The following SRPRB variants were observed in gnomAD, a reference collection of about 807,000 sequenced individuals.
The protein encoded by SRPRB is signal recognition particle receptor subunit beta.
Under a neutral mutation model 31.9 loss-of-function variants are expected in SRPRB, and 20 were observed. The observed-to-expected ratio is 0.63, with a 90% CI of 0.44 to 0.91. The LOEUF (loss-of-function observed/expected upper bound fraction) is 0.91. SRPRB is among the 40% of genes least tolerant of loss of function. The pLI, the probability that SRPRB is intolerant of heterozygous loss-of-function variation, is 0.00. For missense variants in SRPRB, 321 were observed against 324.9 expected (o/e 0.99, Z 0.09); for synonymous variants, 146 against 132.8 (o/e 1.10, Z -0.68).
chr3:133,811,033 T>C (rs946476607), intron 3 of SRPRB, 84 bp from the exon 4 acceptor site: 1 of 1,298,258 alleles, frequency 7.7e-7, no homozygotes, highest in East Asian at 2.4e-5. Flanking sequence ...GGTACCAGTT[T>C]GGTAGCCAAT....
downstream of SRPRB, chr3:133,827,575 C>G (rs1351607783): frequency 3.1e-6 from 1 of 317,602 alleles, no homozygotes; most frequent in Admixed American, 4.6e-5. Context: ...CTCAGGTGAC[C>G]ACAGCGCAGC....
chr3:133,798,271 G>C (rs1195800946), intron 1 of SRPRB, among the ~76,000 whole-genome samples: 1 of 152,220 alleles, frequency 6.6e-6, no homozygotes, highest in Admixed American at 6.5e-5. Context: ...GAAGCATAAA[G>C]GGAGAGATAT....
intron 3 of SRPRB, among the ~76,000 whole-genome samples, chr3:133,810,081 A>C (rs1256983730): frequency 1.3e-5 from 2 of 152,090 alleles, no homozygotes; most frequent in Non-Finnish European, 2.9e-5. Flanking sequence ...CAAATTGCTT[A>C]GGGTGTGTGG....
At chr3:133,800,837 G>T (rs564404319), upstream of SRPRB, among the ~76,000 whole-genome samples, 25 of 152,164 alleles carry the variant, frequency 1.6e-4, no homozygotes, top group Non-Finnish European at 2.6e-4. Context: ...GCCAAGTACT[G>T]TTCAGGGATG....
downstream of SRPRB, among the ~76,000 whole-genome samples, chr3:133,823,561 T>C (rs115339347): frequency 1.1e-3 from 167 of 152,268 alleles, no homozygotes; most frequent in African/African-American, 3.9e-3. Flanking sequence ...CTTTATAAGC[T>C]TTAAAAGGAA....
intron 6 of SRPRB, among the ~76,000 whole-genome samples, chr3:133,818,785 A>AGTGTGTGTGTGTGTGTGTGTGTGT (rs146467727): frequency 1.4e-5 from 2 of 144,102 alleles, no homozygotes; most frequent in Non-Finnish European, 3.0e-5. Flanking sequence ...ATACTTTTAC[A>AGTGTGTGTGTGTGTGTGTGTGTGT]GTGTGTGTGT....
intron 4 of SRPRB, among the ~76,000 whole-genome samples, chr3:133,814,411 G>A (rs1411845722): frequency 4.0e-5 from 6 of 151,844 alleles, no homozygotes; most frequent in African/African-American, 7.2e-5. Context: ...GATTACAGGC[G>A]TGAGCCACCG....
At chr3:133,793,537 A>G (rs1381144302) in intron 1 of SRPRB, 1 of 152,168 alleles carries the variant, frequency 6.6e-6, no homozygotes, top group Non-Finnish European at 1.5e-5. Flanking sequence ...ATTTTAGTGA[A>G]TAATATTAAT....
chr3:133,814,184 T>C (rs907549101), intron 4 of SRPRB, among the ~76,000 whole-genome samples: 1 of 150,422 alleles, frequency 6.6e-6, no homozygotes, highest in African/African-American at 2.5e-5. Flanking sequence ...CAGGCTGGAG[T>C]GCAGTGGCGC....
chr3:133,827,748 C>CCCCCCCA, downstream of SRPRB: 1 of 15,982 alleles, frequency 6.3e-5, no homozygotes. Flanking sequence ...CAGACAACAC[C>CCCCCCCA]CCCCCCCCCC....
intron 6 of SRPRB, among the ~76,000 whole-genome samples, chr3:133,818,753 A>G (rs951256500): frequency 2.0e-5 from 3 of 150,660 alleles, no homozygotes; most frequent in African/African-American, 7.4e-5. Flanking sequence ...AGCAATATCC[A>G]GTTTTGTATT....
chr3:133,824,015 G>A (rs576290406), downstream of SRPRB, among the ~76,000 whole-genome samples: 1 of 152,284 alleles, frequency 6.6e-6, no homozygotes, highest in East Asian at 1.9e-4. Context: ...AGGGGAATGC[G>A]TGTGGATTTA....
At position 133,819,704 on chromosome 3, in the gene SRPRB, A is replaced by G. The variant is rs79308644; in HGVS notation, c.754A>G (p.Arg252Gly). The G allele has an allele frequency of 2.3e-3, 3,786 of 1,614,068 alleles. 47 individuals are homozygous for G. The East Asian group carries it at 0.036, about 15-fold the overall frequency. Residue 252 changes from arginine to glycine, a missense_variant, in exon 7 of 7, where the codon AGA (arginine) becomes GGA (glycine). Arg to Gly is a moderately radical substitution (Grantham distance 125). Coordinates refer to ENST00000678299, the MANE Select transcript of SRPRB (RefSeq NM_001379313.1). ...CCTGGAGTGCAGTGCCAAGGGTGGA[A>G]GAGGGGACGTGGGCTCTGCTGACAT... ...EFLECSAKGG[R>G]GDVGSADIQD...
intron 1 of SRPRB, chr3:133,791,443 A>G (rs1934828054): frequency 6.6e-6 from 1 of 152,188 alleles, no homozygotes; most frequent in Non-Finnish European, 1.5e-5. Flanking sequence ...GCAAAAGGGT[A>G]AGAATTTCTT....
downstream of SRPRB, chr3:133,828,285 T>C: frequency 2.3e-6 from 1 of 437,524 alleles, no homozygotes; most frequent in Non-Finnish European, 4.1e-6. Flanking sequence ...TGGGGCCAGA[T>C]GGCCCCAGAC....
intron 6 of SRPRB, among the ~76,000 whole-genome samples, chr3:133,819,103 G>C (rs1935418808): frequency 6.6e-6 from 1 of 152,132 alleles, no homozygotes; most frequent in Non-Finnish European, 1.5e-5. Flanking sequence ...AGTTAGATAT[G>C]AGAATCTGGA....
chr3:133,796,425 T>C (rs1934973258), intron 1 of SRPRB: 1 of 152,298 alleles, frequency 6.6e-6, no homozygotes, highest in Non-Finnish European at 1.5e-5. Context: ...GCATGCTCAC[T>C]TCCTAGAACT....
At chr3:133,800,040 A>G (rs1349598503) in intron 1 of SRPRB, among the ~76,000 whole-genome samples, 1 of 152,174 alleles carries the variant, frequency 6.6e-6, no homozygotes, top group East Asian at 1.9e-4. Context: ...ACGAACCTAG[A>G]AGTGTGGCAC....
intron 1 of SRPRB, among the ~76,000 whole-genome samples, chr3:133,800,200 C>A (rs902338440): frequency 6.6e-6 from 1 of 152,218 alleles, no homozygotes; most frequent in African/African-American, 2.4e-5. Context: ...CTAGGACCTC[C>A]GGGTGTTTCC....
Sources: gnomAD v4.1 joint callset for allele counts (sites outside exome capture counted in the v4.1 genomes callset) on GRCh38, gnomAD v4.1.1 for gene constraint, MANE v1.5 for transcripts, NCBI Gene and HGNC (gene_info 2026-07-23, HGNC 2026-07-21) for gene names.